The following RIMBP2 variants were observed in gnomAD, a reference collection of about 807,000 sequenced individuals.
RIMBP2 encodes RIMS binding protein 2.
Under a neutral mutation model 118.6 loss-of-function variants are expected in RIMBP2, and 48 were observed. The observed-to-expected ratio is 0.40, with a 90% CI of 0.32 to 0.51. The LOEUF is 0.51. Among genes scored for constraint, RIMBP2 ranks in the 20% least tolerant of loss-of-function variants. The probability of loss-of-function intolerance (pLI) is 0.41; values close to 1 mark genes in which losing one functional copy is unlikely to be tolerated. For synonymous variants in RIMBP2, 762 were observed against 742.9 expected (o/e 1.03, Z -0.42); for missense variants, 1,551 against 1,768.3 (o/e 0.88, Z 2.20).
intron 1 of RIMBP2, among the ~76,000 whole-genome samples, chr12:130,697,401 T>C (rs2065626726): frequency 6.6e-6 from 1 of 152,190 alleles, no homozygotes; most frequent in Non-Finnish European, 1.5e-5. Flanking sequence ...TGGACGCCTG[T>C]GGTCCCAGCT....
chr12:130,471,563 C>G (rs2081007054), intron 5 of RIMBP2, among the ~76,000 whole-genome samples: 1 of 152,216 alleles, frequency 6.6e-6, no homozygotes, highest in African/African-American at 2.4e-5. Context: ...AGGCCCCTCA[C>G]TCTGCTCCAT....
intron 21 of RIMBP2, 65 bp downstream of exon 21, chr12:130,406,107 A>G: frequency 9.1e-7 from 1 of 1,103,652 alleles, no homozygotes; most frequent in Non-Finnish European, 1.4e-6. Flanking sequence ...CTAGCAAAAC[A>G]AAACACACAA....
chr12:130,426,251 C>T (rs2076781054), intron 15 of RIMBP2: 2 of 152,016 alleles, frequency 1.3e-5, no homozygotes. Context: ...AAAGAGAACC[C>T]AGAAATCCAG....
At chr12:130,566,042 T>A (rs2057191420) in intron 2 of RIMBP2, among the ~76,000 whole-genome samples, 1 of 152,208 alleles carries the variant, frequency 6.6e-6, no homozygotes, top group Non-Finnish European at 1.5e-5. Flanking sequence ...TTGTCATTGA[T>A]AAAGAGGGTC....
At chr12:130,492,959 A>G (rs1055386306) in intron 4 of RIMBP2, among the ~76,000 whole-genome samples, 4 of 152,156 alleles carry the variant, frequency 2.6e-5, no homozygotes, top group African/African-American at 7.2e-5. Context: ...GCAAAACCCC[A>G]TATCTGCTAA....
chr12:130,480,149 T>G (rs552946151), intron 4 of RIMBP2, among the ~76,000 whole-genome samples: 1 of 151,350 alleles, frequency 6.6e-6, no homozygotes, highest in African/African-American at 2.4e-5. Context: ...TCCTGGGGGC[T>G]TGGAAAACCA....
intron 3 of RIMBP2, among the ~76,000 whole-genome samples, chr12:130,514,929 T>TC (rs1396336458): frequency 6.6e-6 from 1 of 152,024 alleles, no homozygotes; most frequent in African/African-American, 2.4e-5. Flanking sequence ...CAGGCTGGAG[T>TC]GCAGTGGCGT....
intron 4 of RIMBP2, among the ~76,000 whole-genome samples, chr12:130,491,538 C>T (rs1219453975): frequency 1.3e-5 from 2 of 152,234 alleles, no homozygotes. Flanking sequence ...ACTGTTCGTG[C>T]CTCTGTCACA....
At chr12:130,609,854 G>A (rs190867231) in intron 2 of RIMBP2, among the ~76,000 whole-genome samples, 216 of 152,254 alleles carry the variant, frequency 1.4e-3, no homozygotes, top group African/African-American at 5.0e-3. Context: ...CTGCGGGCAG[G>A]ACAGACGGAA....
intron 14 of RIMBP2, chr12:130,430,224 ACT>A (rs1302328814): frequency 6.6e-6 from 1 of 151,866 alleles, no homozygotes; most frequent in East Asian, 1.9e-4. Context: ...AACCTTAGAC[ACT>A]CTACTTGGTG....
chr12:130,523,569 C>T lies in RIMBP2; in HGVS notation c.-216-5652G>A, dbSNP rs1210235152. ...CCCCATCAGGAGCTCCAGTTAAATC[C>T]CCATTTCAATGGACAAGGTGGCCGC... On this transcript the variant is annotated intron_variant, in intron 2 of 22. Transcript: ENST00000690449. This position sits in a 1 kb window ranked among gnomAD's most constrained non-coding sequence, Gnocchi z 4.4. Among the ~76,000 whole-genome samples the T allele has an allele frequency of 6.6e-6, 1 of 152,224 alleles. No individual in the cohort carries two copies. Among genetic ancestry groups the T allele is most frequent in the African/African-American group, 2.4e-5 (1 of 41,462 alleles).
At chr12:130,585,362 G>A (rs11061011) in intron 2 of RIMBP2, among the ~76,000 whole-genome samples, 20,418 of 152,088 alleles carry the variant, frequency 0.13, 1,787 homozygotes, top group East Asian at 0.36. Flanking sequence ...TACATTCGTC[G>A]AAAATTCGGT....
intron 6 of RIMBP2, chr12:130,465,173 G>T (rs2080344981): frequency 6.6e-6 from 1 of 152,228 alleles, no homozygotes; most frequent in Non-Finnish European, 1.5e-5. Flanking sequence ...AGCCTGCCTG[G>T]GAAGCAAGCA....
chr12:130,680,679 G>A, intron 1 of RIMBP2, among the ~76,000 whole-genome samples: 1 of 152,220 alleles, frequency 6.6e-6, no homozygotes, highest in East Asian at 1.9e-4. Flanking sequence ...TATTGCAACT[G>A]GGGAGTGGCC....
At chr12:130,674,166 T>C (rs10848183) in intron 1 of RIMBP2, among the ~76,000 whole-genome samples, 45,590 of 152,000 alleles carry the variant, frequency 0.3, 7,481 homozygotes, top group Non-Finnish European at 0.39. Context: ...CCTTTCCTCC[T>C]TCACTTTTTC....
rs763632126 is a variant in RIMBP2 at position 130,648,942 on chromosome 12, C to T, written c.-351-20486G>A. On this transcript the variant is annotated intron_variant, in intron 1 of 22. Transcript: ENST00000690449. The stretch of plus-strand genomic sequence containing the variant: ...AAGTGCTGGGATTCCAGGCGTGAGC[C>T]GCCGAGAAACGGATCGCACATGGTA... 5.5e-5 allele frequency among the ~76,000 whole-genome samples: 8 copies of T among 145,856 alleles called. 2 individuals carry two copies. The highest frequency in any genetic ancestry group is 1.4e-4 in the Admixed American group (2 of 14,552).
At chr12:130,592,254 G>A (rs144172458) in intron 2 of RIMBP2, among the ~76,000 whole-genome samples, 177 of 152,254 alleles carry the variant, frequency 1.2e-3, no homozygotes, top group African/African-American at 4.1e-3. Context: ...CAGCCCTGGC[G>A]GGTGTTTCCT....
chr12:130,474,247 C>T (rs181780867), intron 5 of RIMBP2, among the ~76,000 whole-genome samples: 5 of 152,316 alleles, frequency 3.3e-5, no homozygotes, highest in South Asian at 2.1e-4. Flanking sequence ...CTCCGCCCCG[C>T]AGGTTACACG....
intron 1 of RIMBP2, among the ~76,000 whole-genome samples, chr12:130,680,283 T>C (rs975032133): frequency 2.0e-5 from 3 of 152,230 alleles, no homozygotes; most frequent in Non-Finnish European, 4.4e-5. Flanking sequence ...AACATGAGCA[T>C]GAAATGGCGT....
Sources: allele counts gnomAD v4.1 joint callset (sites outside exome capture counted in the v4.1 genomes callset), GRCh38; gene constraint gnomAD v4.1.1; non-coding constraint Gnocchi (gnomAD v3.1); transcripts MANE v1.5; gene names NCBI Gene and HGNC (gene_info 2026-07-23, HGNC 2026-07-21).